The following ADAM2 variants were observed in gnomAD, a reference collection of about 807,000 sequenced individuals.
ADAM2 encodes the protein disintegrin and metalloproteinase domain-containing protein 2.
Under a neutral mutation model 99.3 loss-of-function variants are expected in ADAM2, and 101 were observed. The observed-to-expected ratio is 1.02, with a 90% confidence interval of 0.87 to 1.20. The LOEUF is 1.20. Ranked by LOEUF, ADAM2 falls within the 50% of genes most tolerant of loss-of-function variation. ADAM2 has a pLI of 0.00. For missense variants in ADAM2, 948 were observed against 878.7 expected, an observed-to-expected ratio of 1.08 and a Z score of -1.00; for synonymous variants, 323 against 287.6, an observed-to-expected ratio of 1.12 and a Z score of -1.25.
chr8:39,810,504 C>T (rs1173199427), intron 6 of ADAM2, among the ~76,000 whole-genome samples: 1 of 152,188 alleles, frequency 6.6e-6, no homozygotes, highest in East Asian at 1.9e-4. Flanking sequence ...CCACATCGCA[C>T]TTATTCCAAA....
At chr8:39,773,616 T>A (rs566861602) in intron 11 of ADAM2, among the ~76,000 whole-genome samples, 16 of 151,848 alleles carry the variant, frequency 1.1e-4, no homozygotes, top group African/African-American at 3.9e-4. Flanking sequence ...AAATGAAAGC[T>A]ATAAAAGATT....
chr8:39,744,201 C>A (rs1823352144), intron 20 of ADAM2, 137 bp from the exon 21 acceptor site: 1 of 151,872 alleles, frequency 6.6e-6, no homozygotes, highest in Non-Finnish European at 1.5e-5. Flanking sequence ...TTTAAATATA[C>A]AAATGCTAAA....
rs773779213 is a variant in ADAM2, at chr8:39,749,698, T to A, written c.1844A>T (p.Asp615Val). Residue 615 changes from aspartate to valine, a missense_variant, in exon 17 of 21, where the codon GAT (aspartate) becomes GTT (valine). Coordinates refer to ENST00000265708, the MANE Select transcript of ADAM2 (RefSeq NM_001464.5). ...RCVSSSYLGY[D>V]CTTDKCNDRG... is the part of the protein sequence containing the mutation. ...ATCATTGCATTTGTCAGTAGTACAA[T>A]CATAACCCAAGTATGAAGAACTCAC... The A allele has an allele frequency of 6.2e-7, 1 of 1,612,450 alleles. No homozygotes were observed. The highest frequency in any genetic ancestry group is 8.5e-7 in the Non-Finnish European group (1 of 1,178,936).
intron 11 of ADAM2, among the ~76,000 whole-genome samples, chr8:39,773,472 T>C (rs1802862959): frequency 6.6e-6 from 1 of 151,704 alleles, no homozygotes; most frequent in Non-Finnish European, 1.5e-5. Flanking sequence ...GTAATTAAAA[T>C]ATGATTCTTT....
intron 7 of ADAM2, among the ~76,000 whole-genome samples, chr8:39,802,456 C>G (rs1295190339): frequency 1.3e-5 from 2 of 152,190 alleles, no homozygotes; most frequent in Non-Finnish European, 2.9e-5. Flanking sequence ...TAGATTCTAG[C>G]TCTGTTCATT....
chr8:39,812,879 A>G (rs1271679829), intron 6 of ADAM2, among the ~76,000 whole-genome samples: 1 of 152,202 alleles, frequency 6.6e-6, no homozygotes, highest in East Asian at 1.9e-4. Flanking sequence ...CAGGACTAAA[A>G]CACCAAAAGC....
At position 39,746,557 on chromosome 8, in the gene ADAM2, T is replaced by G. The variant is rs772966320; in HGVS notation, c.2089A>C (p.Ile697Leu). Residue 697 changes from isoleucine to leucine, a missense_variant, in exon 19 of 21, where the codon ATT becomes CTT. Physicochemically the swap from Ile to Leu is conservative, Grantham distance 5 (BLOSUM62 2). Coordinates refer to ENST00000265708, the MANE Select transcript of ADAM2 (RefSeq NM_001464.5). ...ATAGCAATCAGTACACAGAAAATAA[T>G]AAAGAAAGGAATGAATAAGAAAAAT... ...WPFFLFIPFF[I>L]IFCVLIAIMV... is the part of the protein sequence containing the mutation. The G allele has an allele frequency of 1.4e-5, 22 of 1,606,594 alleles. No individual in the cohort carries two copies. Among genetic ancestry groups the G allele is most frequent in the Non-Finnish European group, 1.7e-6 (2 of 1,176,156 alleles).
chr8:39,821,698 G>T lies in ADAM2; in HGVS notation c.268-36C>A, dbSNP rs1563380385. On this transcript the variant is annotated intron_variant, in intron 4 of 20. Coordinates refer to ENST00000265708, the MANE Select transcript of ADAM2 (RefSeq NM_001464.5). ...AAATACACATATCTCCATTAGAATGGTTTGTGTTACAGATACAATTTTCAA... is the reference window on the plus strand; with the variant it reads ...AAATACACATATCTCCATTAGAATGTTTTGTGTTACAGATACAATTTTCAA... The T allele has an allele frequency of 2.1e-6, 3 of 1,406,134 alleles. No homozygotes were observed. The Admixed American group carries it at 5.1e-5, about 24-fold the overall frequency. The allele number at this position is 1,406,134 out of a possible 1,614,324, so 87.1% of individuals were successfully genotyped here.
chr8:39,798,481 G>C (rs183066092), intron 7 of ADAM2, among the ~76,000 whole-genome samples: 1 of 152,272 alleles, frequency 6.6e-6, no homozygotes, highest in Admixed American at 6.5e-5. Flanking sequence ...GTTCATCAGG[G>C]ATATTGGCCT....
At chr8:39,750,956 T>C (rs978036804) in intron 16 of ADAM2, among the ~76,000 whole-genome samples, 1 of 152,186 alleles carries the variant, frequency 6.6e-6, no homozygotes, top group Admixed American at 6.6e-5. Context: ...AAAAGTTTGC[T>C]AAAGAATATT....
chr8:39,803,993 T>C (rs1452629470), intron 7 of ADAM2, among the ~76,000 whole-genome samples: 3 of 152,212 alleles, frequency 2.0e-5, no homozygotes, highest in East Asian at 1.9e-4. Flanking sequence ...TTTGGAATTC[T>C]AGTGTTAGAC....
At chr8:39,780,699 T>A (rs1437439701) in intron 10 of ADAM2, among the ~76,000 whole-genome samples, 1 of 152,190 alleles carries the variant, frequency 6.6e-6, no homozygotes, top group Non-Finnish European at 1.5e-5. Flanking sequence ...CATTATATAA[T>A]GCTACTAAGA....
At chr8:39,828,140 A>C (rs1182678814) in intron 3 of ADAM2, among the ~76,000 whole-genome samples, 1 of 151,970 alleles carries the variant, frequency 6.6e-6, no homozygotes, top group Non-Finnish European at 1.5e-5. Context: ...CTTCAGATAG[A>C]AGCACAGAAA....
At position 39,803,732 on chromosome 8, in the gene ADAM2, T is replaced by A. The variant is rs138578619; in HGVS notation, c.570+5678A>T. Among the ~76,000 whole-genome samples the A allele has an allele frequency of 9.8e-5, 15 of 152,318 alleles. 1 individual carries two copies. Among genetic ancestry groups the A allele is most frequent in the African/African-American group, 3.6e-4 (15 of 41,570 alleles). On this transcript the variant is annotated intron_variant, in intron 7 of 20. Coordinates refer to ENST00000265708, the MANE Select transcript of ADAM2 (RefSeq NM_001464.5). ...AATCAAAATGAAAATAAGACTAGAC[T>A]GAAAAGATATTTGGAGTGGTACTGG...
chr8:39,778,607 A>C (rs1017341866), intron 10 of ADAM2, among the ~76,000 whole-genome samples: 4 of 152,136 alleles, frequency 2.6e-5, no homozygotes, highest in Admixed American at 2.0e-4. Flanking sequence ...TACTCCATTT[A>C]TCAAATTTCC....
intron 11 of ADAM2, among the ~76,000 whole-genome samples, chr8:39,773,233 A>C (rs1486047308): frequency 6.6e-6 from 1 of 151,878 alleles, no homozygotes; most frequent in African/African-American, 2.4e-5. Flanking sequence ...TATTTCAACT[A>C]ACTGGAAATG....
intron 6 of ADAM2, 37 bp from the exon 7 acceptor site, chr8:39,809,503 A>T: frequency 9.7e-7 from 1 of 1,025,790 alleles, no homozygotes; most frequent in Non-Finnish European, 1.5e-6. Context: ...AAAATTACAG[A>T]ATTACTTAAG....
chr8:39,811,568 G>T (rs1804696445), intron 6 of ADAM2, among the ~76,000 whole-genome samples: 1 of 152,152 alleles, frequency 6.6e-6, no homozygotes, highest in African/African-American at 2.4e-5. Flanking sequence ...ACATCAAAAA[G>T]CTTATCCACC....
chr8:39,787,974 T>A (rs1031490360), intron 9 of ADAM2, 111 bp downstream of exon 9: 2 of 624,564 alleles, frequency 3.2e-6, no homozygotes, highest in Non-Finnish European at 4.9e-6. Flanking sequence ...ACATGGCGTG[T>A]GTGAGAAAAA....
Sources: allele counts gnomAD v4.1 joint callset (sites outside exome capture counted in the v4.1 genomes callset), GRCh38; gene constraint gnomAD v4.1.1; transcripts MANE v1.5; gene names NCBI Gene and HGNC (gene_info 2026-07-23, HGNC 2026-07-21).